Variants in TP63 observed in about 807,000 individuals in gnomAD.
The protein encoded by TP63 is tumor protein p63, also known as tumor protein 63.
In TP63, 17 loss-of-function variants were observed where a neutral mutation model predicts 82.8. The observed-to-expected ratio is 0.21, with a 90% CI of 0.14 to 0.31. TP63 has a LOEUF of 0.31. Ranked by LOEUF, TP63 falls within the 10% of genes least tolerant of loss-of-function variation. TP63 has a pLI of 1.00. For missense variants in TP63, 648 were observed against 895.3 expected (o/e 0.72, Z 3.52); for synonymous variants, 330 against 321.7 (o/e 1.03, Z -0.28).
intron 4 of TP63, among the ~76,000 whole-genome samples, chr3:189,834,150 G>A (rs964010288): frequency 4.6e-5 from 7 of 152,138 alleles, no homozygotes; most frequent in South Asian, 2.1e-4. Flanking sequence ...GAGCTCAGTT[G>A]AGACTTGTCT....
chr3:189,598,784 C>T, the TP63 span, among the ~76,000 whole-genome samples: 1 of 152,190 alleles, frequency 6.6e-6, no homozygotes, highest in African/African-American at 2.4e-5. Flanking sequence ...ATCTGAATGA[C>T]CATAGTCACA....
In TP63 at chr3:189,889,381, A is replaced by G. The variant is rs1376568738; in HGVS notation, c.1549A>G (p.Asn517Asp). The G allele has an allele frequency of 6.2e-7, 1 of 1,614,130 alleles. No individual in the cohort carries two copies. The highest frequency in any genetic ancestry group is 8.5e-7 in the Non-Finnish European group (1 of 1,180,006). The change falls in exon 12 of 14, where the codon AAT (asparagine) becomes GAT (aspartate). Residue 517 changes from asparagine (N) to aspartate (D), a missense_variant. By Grantham distance (23) the Asn-to-Asp change is conservative (BLOSUM62 1). This residue lies in a region of TP63 where 342 missense variants were observed against 425.7 expected (regional missense o/e 0.80). Transcript: ENST00000264731. ...CCACATGCCAATGGCTGGAGACATG[A>G]ATGGACTCAGCCCCACCCAGGCACT... Reference protein sequence around the residue: ...GTHMPMAGDMNGLSPTQALPP... With the variant: ...GTHMPMAGDMDGLSPTQALPP...
chr3:189,605,221 A>G, the TP63 span, among the ~76,000 whole-genome samples: 1 of 152,264 alleles, frequency 6.6e-6, no homozygotes, highest in Non-Finnish European at 1.5e-5. Flanking sequence ...AAGGAAACTC[A>G]GGCTTATAAT....
chr3:189,740,921 A>G (rs1160145194), intron 3 of TP63, among the ~76,000 whole-genome samples: 1 of 152,126 alleles, frequency 6.6e-6, no homozygotes, highest in South Asian at 2.1e-4. Flanking sequence ...TTTGTCCCTT[A>G]ATGCCTAGTA....
At chr3:189,605,791 T>A in the TP63 span, among the ~76,000 whole-genome samples, 5 of 152,248 alleles carry the variant, frequency 3.3e-5, no homozygotes, top group African/African-American at 1.2e-4. Flanking sequence ...ATAAGAAGTC[T>A]TTCAGACAAA....
chr3:189,798,311 A>G (rs1725932465), intron 3 of TP63, among the ~76,000 whole-genome samples: 1 of 152,012 alleles, frequency 6.6e-6, no homozygotes, highest in African/African-American at 2.4e-5. Context: ...ATTTTCCTTC[A>G]CATCTTGCAG....
At chr3:189,682,553 AATATATATATATAT>A (rs1179179631) in intron 1 of TP63, among the ~76,000 whole-genome samples, 62 of 10,350 alleles carry the variant, frequency 6.0e-3, no homozygotes, top group Admixed American at 0.014. Context: ...AAAAAAAAAA[AATATATATATATAT>A]ATATATATAT....
intron 1 of TP63, among the ~76,000 whole-genome samples, chr3:189,656,051 A>G (rs893559540): frequency 3.3e-5 from 5 of 152,190 alleles, no homozygotes; most frequent in Non-Finnish European, 7.4e-5. Flanking sequence ...AAATAACATA[A>G]TCAACAAGAT....
At chr3:189,704,133 A>G (rs1474564000) in intron 1 of TP63, among the ~76,000 whole-genome samples, 1 of 152,216 alleles carries the variant, frequency 6.6e-6, no homozygotes, top group East Asian at 1.9e-4. Flanking sequence ...GCCCTGCGCA[A>G]TAGGCTAGAT....
At chr3:189,802,326 G>T (rs1035446599) in intron 3 of TP63, among the ~76,000 whole-genome samples, 5 of 152,176 alleles carry the variant, frequency 3.3e-5, no homozygotes, top group African/African-American at 1.2e-4. Context: ...GGTGAAAGGT[G>T]GTTATCAGCT....
intron 1 of TP63, among the ~76,000 whole-genome samples, chr3:189,632,447 T>C (rs1729520786): frequency 1.3e-5 from 2 of 152,156 alleles, no homozygotes; most frequent in African/African-American, 4.8e-5. Flanking sequence ...CAGGACTCAC[T>C]TACTGTAGAC....
chr3:189,665,286 T>G (rs568087554), intron 1 of TP63, among the ~76,000 whole-genome samples: 41 of 152,256 alleles, frequency 2.7e-4, no homozygotes, highest in Non-Finnish European at 4.7e-4. Flanking sequence ...ATCTCAGATA[T>G]CCAGTTGTTA....
At chr3:189,671,513 A>G (rs1475496461) in intron 1 of TP63, among the ~76,000 whole-genome samples, 1 of 152,104 alleles carries the variant, frequency 6.6e-6, no homozygotes, top group Non-Finnish European at 1.5e-5. Context: ...AAACTATCAT[A>G]TGATCTAGTA....
chr3:189,722,078 G>A (rs976712524), intron 1 of TP63, among the ~76,000 whole-genome samples: 1 of 152,220 alleles, frequency 6.6e-6, no homozygotes, highest in Non-Finnish European at 1.5e-5. Context: ...CATTGCTTAA[G>A]AGGAGAGTAG....
intron 2 of TP63, 83 bp downstream of exon 2, chr3:189,737,951 G>GT (rs1720715758): frequency 1.3e-6 from 2 of 1,537,490 alleles, no homozygotes; most frequent in South Asian, 1.1e-5. Flanking sequence ...ACTAGGGCAT[G>GT]TTTTTTCTAG....
intron 4 of TP63, among the ~76,000 whole-genome samples, chr3:189,844,670 G>C (rs1030452576): frequency 6.6e-6 from 1 of 152,082 alleles, no homozygotes. Flanking sequence ...TTTTTGTAGA[G>C]GACAAATCCA....
At chr3:189,812,705 A>G (rs1727706245) in intron 4 of TP63, among the ~76,000 whole-genome samples, 1 of 152,140 alleles carries the variant, frequency 6.6e-6, no homozygotes, top group Non-Finnish European at 1.5e-5. Flanking sequence ...ATGTAAACAT[A>G]CCTATTAGCA....
the TP63 span, among the ~76,000 whole-genome samples, chr3:189,616,935 G>A: frequency 6.6e-6 from 1 of 152,172 alleles, no homozygotes; most frequent in African/African-American, 2.4e-5. Flanking sequence ...AACCTTCCCT[G>A]TCACTCAGAT....
At chr3:189,696,187 C>T (rs1393580527) in intron 1 of TP63, among the ~76,000 whole-genome samples, 1 of 152,070 alleles carries the variant, frequency 6.6e-6, no homozygotes, top group African/African-American at 2.4e-5. Context: ...GGTTCCTGTA[C>T]TCATCTATTC....
Sources: gnomAD v4.1 joint callset for allele counts (sites outside exome capture counted in the v4.1 genomes callset) on GRCh38, gnomAD v4.1.1 for gene constraint, gnomAD v4.1.1 regional missense constraint, MANE v1.5 for transcripts, NCBI Gene and HGNC (gene_info 2026-07-23, HGNC 2026-07-21) for gene names.